NMNAT3: variants seen among roughly 807,000 people sequenced by gnomAD.
NMNAT3 encodes nicotinamide/nicotinic acid mononucleotide adenylyltransferase 3.
In NMNAT3, 21 loss-of-function variants were observed where a neutral mutation model predicts 24.8. That is an observed-to-expected ratio of 0.85 (90% CI 0.60 to 1.22). NMNAT3 has a LOEUF of 1.22. Ranked by LOEUF, NMNAT3 falls within the 50% of genes most tolerant of loss-of-function variation. The pLI, the probability that NMNAT3 is intolerant of heterozygous loss-of-function variation, is 0.00. For missense variants in NMNAT3, 387 were observed against 436.6 expected (o/e 0.89, Z 1.01); for synonymous variants, 136 against 155.2 (o/e 0.88, Z 0.92).
intron 6 of NMNAT3, among the ~76,000 whole-genome samples, chr3:139,562,449 A>G (rs771434536): frequency 2.0e-5 from 3 of 152,212 alleles, no homozygotes; most frequent in Non-Finnish European, 4.4e-5. Context: ...TGATTCTTCC[A>G]GAAGCTGATC....
intron 3 of NMNAT3, among the ~76,000 whole-genome samples, chr3:139,585,232 G>C (rs1312481272): frequency 6.6e-6 from 1 of 152,044 alleles, no homozygotes; most frequent in African/African-American, 2.4e-5. Flanking sequence ...TTGCCTTTCA[G>C]CTCTATCAGT....
intron 4 of NMNAT3, among the ~76,000 whole-genome samples, chr3:139,581,303 A>ATAT (rs71146191): frequency 0.92 from 139,909 of 151,912 alleles, 65,464 homozygotes; most frequent in Non-Finnish European, 1. Flanking sequence ...ATATTAGATG[A>ATAT]TATGTAATTT....
At chr3:139,644,251 G>A (rs2056800602) in intron 1 of NMNAT3, among the ~76,000 whole-genome samples, 2 of 152,112 alleles carry the variant, frequency 1.3e-5, no homozygotes, top group Non-Finnish European at 2.9e-5. Flanking sequence ...AAAGACCTCT[G>A]AGATTTCTAG....
intron 2 of NMNAT3, chr3:139,635,364 A>G (rs2056462158): frequency 6.6e-6 from 1 of 152,246 alleles, no homozygotes; most frequent in South Asian, 2.1e-4. Flanking sequence ...TCTTTTGTCT[A>G]GCTCCAAGAA....
intron 3 of NMNAT3, among the ~76,000 whole-genome samples, chr3:139,601,714 TAA>T (rs1483704344): frequency 3.3e-5 from 5 of 152,110 alleles, no homozygotes; most frequent in African/African-American, 1.2e-4. Flanking sequence ...GGGTGGGGGA[TAA>T]AGTCCCAAGG....
At chr3:139,593,071 A>G (rs1304070059) in intron 3 of NMNAT3, among the ~76,000 whole-genome samples, 4 of 152,308 alleles carry the variant, frequency 2.6e-5, no homozygotes, top group Admixed American at 2.0e-4. Flanking sequence ...TATTCAGGAA[A>G]CCCATCTCAT....
At chr3:139,647,038 G>T (rs1029149827) in intron 1 of NMNAT3, among the ~76,000 whole-genome samples, 1 of 152,220 alleles carries the variant, frequency 6.6e-6, no homozygotes, top group Non-Finnish European at 1.5e-5. Flanking sequence ...TGTATGGCAT[G>T]GGTTTGGTTT....
In NMNAT3 at chr3:139,603,948, A is replaced by T. The variant is rs529842463; in HGVS notation, c.110-20740T>A. On this transcript the variant is annotated intron_variant, in intron 3 of 6. Transcript: ENST00000643695. ...ATTCAAAGGTTGGTCACTAGATATA[A>T]TTGCACATATGTTCCCCTAGTTACT... Among the ~76,000 whole-genome samples, 4 of 152,330 alleles carry T rather than the reference A, an allele frequency of 2.6e-5. No homozygotes were observed. In the East Asian group the frequency reaches 5.8e-4, roughly 22 times the overall value.
In NMNAT3 at chr3:139,591,169, G is replaced by A. The variant is rs2054151198; in HGVS notation, c.110-7961C>T. On this transcript the variant is annotated intron_variant, in intron 3 of 6. Coordinates refer to ENST00000643695, the MANE Select transcript of NMNAT3 (RefSeq NM_001320510.2). ...TTGCCTCACCTGGGAAGCGCAAGGG[G>A]TCAGGGAGTTCCCTTTCCGAGTCAA... Among the ~76,000 whole-genome samples the A allele has an allele frequency of 2.0e-5, 3 of 151,360 alleles. No homozygotes were observed. In the South Asian group the frequency reaches 6.3e-4, roughly 32 times the overall value.
chr3:139,596,677 A>G (rs1024561119), intron 3 of NMNAT3, among the ~76,000 whole-genome samples: 10 of 151,908 alleles, frequency 6.6e-5, no homozygotes, highest in Non-Finnish European at 1.5e-4. Flanking sequence ...TCTCAAGTTA[A>G]CAAATAAAGA....
intron 3 of NMNAT3, among the ~76,000 whole-genome samples, chr3:139,610,320 A>C (rs1013795403): frequency 1.3e-5 from 2 of 152,208 alleles, no homozygotes; most frequent in African/African-American, 4.8e-5. Flanking sequence ...CATTTAAACC[A>C]TATCTCAAGA....
At chr3:139,563,738 C>T (rs1217037744) in intron 6 of NMNAT3, among the ~76,000 whole-genome samples, 1 of 152,290 alleles carries the variant, frequency 6.6e-6, no homozygotes, top group Middle Eastern at 3.4e-3. Flanking sequence ...GGCTCACAAA[C>T]GCATTCACAC....
chr3:139,659,451 A>G (rs2057347422), intron 1 of NMNAT3, among the ~76,000 whole-genome samples: 1 of 152,260 alleles, frequency 6.6e-6, no homozygotes, highest in South Asian at 2.1e-4. Context: ...ATGCCAAATG[A>G]TAATATATTT....
At chr3:139,651,722 C>T (rs1309126001) in intron 1 of NMNAT3, among the ~76,000 whole-genome samples, 2 of 152,158 alleles carry the variant, frequency 1.3e-5, no homozygotes, top group African/African-American at 4.8e-5. Context: ...GACTCCTGGT[C>T]TCAGGGTCCC....
At chr3:139,675,899 C>T (rs886510580) in intron 1 of NMNAT3, among the ~76,000 whole-genome samples, 4 of 152,310 alleles carry the variant, frequency 2.6e-5, no homozygotes, top group East Asian at 1.9e-4. Context: ...TCAGGGCCAA[C>T]GATATGCTAA....
At chr3:139,567,781 A>G (rs1410211160) in intron 6 of NMNAT3, 8 of 152,124 alleles carry the variant, frequency 5.3e-5, no homozygotes, top group African/African-American at 1.9e-4. Context: ...ATGTTCATCA[A>G]GGATATTGGT....
Position 139,596,916 on chromosome 3 carries a change from G to GTGTATATATATA in NMNAT3, c.110-13709_110-13708insTATATATATACA, listed in dbSNP as rs1393197797. On this transcript the variant is annotated intron_variant, in intron 3 of 6. Coordinates refer to ENST00000643695, the MANE Select transcript of NMNAT3 (RefSeq NM_001320510.2). ...TTTCCACTATATTTTTGTCATGTGT[G>GTGTATATATATA]TATATATATATATATATATATATAT... Among the ~76,000 whole-genome samples the GTGTATATATATA allele has an allele frequency of 1.4e-3, 139 of 96,878 alleles. 1 individual carries two copies. The highest frequency in any genetic ancestry group is 2.1e-3 in the Non-Finnish European group (104 of 48,434). The allele number at this position is 96,878 out of a possible 152,430, so 63.6% of individuals were successfully genotyped here. A position where few individuals can be genotyped will look rare whatever the true frequency, so the allele number is the denominator to read the frequency against.
chr3:139,606,748 C>T (rs1401381586), intron 3 of NMNAT3, among the ~76,000 whole-genome samples: 1 of 152,118 alleles, frequency 6.6e-6, no homozygotes, highest in Non-Finnish European at 1.5e-5. Context: ...TGACCTTTCT[C>T]CTGCATTTCT....
intron 4 of NMNAT3, among the ~76,000 whole-genome samples, chr3:139,582,322 A>G (rs1418776689): frequency 7.9e-5 from 12 of 151,828 alleles, no homozygotes; most frequent in Admixed American, 7.9e-4. Context: ...CTTTATTAAT[A>G]TAAGAGAATA....
Sources: allele counts gnomAD v4.1 joint callset (sites outside exome capture counted in the v4.1 genomes callset), GRCh38; gene constraint gnomAD v4.1.1; transcripts MANE v1.5; gene names NCBI Gene and HGNC (gene_info 2026-07-23, HGNC 2026-07-21).